TMEM35A: variants seen among roughly 807,000 people sequenced by gnomAD.
TMEM35A encodes transmembrane protein 35A.
For missense variants in TMEM35A, 83 were observed against 132.7 expected (o/e 0.63, Z 1.84); for synonymous variants, 50 against 54.7 (o/e 0.91, Z 0.38).
rs1278630213 is a variant in TMEM35A, at chrX:101,096,089, T to C, written c.*1133T>C. On this transcript the variant is annotated 3_prime_UTR_variant, in exon 2 of 2. Transcript: ENST00000372930. ...TCTCTACATTTCTTTATCATTCCAG[T>C]GGGTAGGGTTTAGCTGGGGGAAGGA... The C allele has an allele frequency of 8.9e-6, 1 of 111,896 alleles. No homozygotes were observed. Among genetic ancestry groups the C allele is most frequent in the East Asian group, 2.8e-4 (1 of 3,584 alleles). 9.2% of individuals were successfully genotyped at this position (111,896 alleles called of 1,213,427 possible).
Position 101,079,015 on chromosome X carries a change from A to G in TMEM35A, c.13A>G (p.Arg5Gly). ...CCTTGGCGACCCCATGGCATCCCCCAGAACCGTAACTATTGTGGCCCTCTC... is the reference window on the plus strand; with the variant it reads ...CCTTGGCGACCCCATGGCATCCCCCGGAACCGTAACTATTGTGGCCCTCTC... MASP[R>G]TVTIVALSVA... Residue 5 changes from arginine (R) to glycine (G), a missense_variant, in exon 1 of 2, where the codon AGA (arginine) becomes GGA (glycine). Arg to Gly is a moderately radical substitution (Grantham distance 125, BLOSUM62 -2). Coordinates refer to ENST00000372930, the MANE Select transcript of TMEM35A (RefSeq NM_021637.3). 1 of 1,211,708 alleles carries G rather than the reference A, an allele frequency of 8.3e-7. No homozygotes were observed. Among genetic ancestry groups the G allele is most frequent in the Middle Eastern group, 2.3e-4 (1 of 4,320 alleles).
At chrX:101,082,576 C>A (rs1040562103) in intron 1 of TMEM35A, among the ~76,000 whole-genome samples, 1 of 109,568 alleles carries the variant, frequency 9.1e-6, no homozygotes, top group Non-Finnish European at 1.9e-5. Flanking sequence ...ATAAGTAATT[C>A]TGTTTTATGG....
intron 1 of TMEM35A, among the ~76,000 whole-genome samples, chrX:101,085,671 G>A (rs369583336): frequency 3.6e-5 from 4 of 110,876 alleles, no homozygotes; most frequent in South Asian, 7.7e-4. Flanking sequence ...GCTCACACCT[G>A]TAATCCCAGC....
intron 1 of TMEM35A, among the ~76,000 whole-genome samples, chrX:101,079,442 A>C (rs2089285421): frequency 9.0e-6 from 1 of 111,167 alleles, no homozygotes; most frequent in Non-Finnish European, 1.9e-5. Context: ...TCCAGCACAC[A>C]CCCAAAGTCC....
At chrX:101,082,522 G>A (rs1181973930) in intron 1 of TMEM35A, among the ~76,000 whole-genome samples, 3 of 109,403 alleles carry the variant, frequency 2.7e-5, no homozygotes, top group Non-Finnish European at 5.7e-5. Flanking sequence ...TACAGTGTTT[G>A]CTATAGTATG....
At chrX:101,085,556 G>A (rs1034485516) in intron 1 of TMEM35A, among the ~76,000 whole-genome samples, 2 of 111,005 alleles carry the variant, frequency 1.8e-5, no homozygotes, top group Admixed American at 9.7e-5. Flanking sequence ...AGCCGAGATC[G>A]TGCAGCTGCA....
chrX:101,092,410 A>T (rs1399756552), intron 1 of TMEM35A, among the ~76,000 whole-genome samples: 2 of 111,232 alleles, frequency 1.8e-5, no homozygotes, highest in Non-Finnish European at 3.8e-5. Context: ...TCTTATACAG[A>T]TCTCTATTTA....
intron 1 of TMEM35A, among the ~76,000 whole-genome samples, chrX:101,089,703 T>G (rs1676169085): frequency 9.6e-6 from 1 of 104,638 alleles, no homozygotes. Flanking sequence ...CGTAGTGAGC[T>G]CTGATCCCAC....
At chrX:101,084,959 T>G (rs1247127341) in intron 1 of TMEM35A, among the ~76,000 whole-genome samples, 1 of 111,703 alleles carries the variant, frequency 9.0e-6, no homozygotes, top group Non-Finnish European at 1.9e-5. Flanking sequence ...CATGGCCCCT[T>G]CCAGTTACTA....
intron 1 of TMEM35A, among the ~76,000 whole-genome samples, chrX:101,084,280 CAA>C (rs2089300452): frequency 9.6e-6 from 1 of 104,027 alleles, no homozygotes; most frequent in Admixed American, 1.1e-4. Flanking sequence ...TACATTTAAA[CAA>C]TGATCTATGA....
At chrX:101,087,798 G>A (rs1299185210) in intron 1 of TMEM35A, among the ~76,000 whole-genome samples, 2 of 111,791 alleles carry the variant, frequency 1.8e-5, no homozygotes, top group Non-Finnish European at 3.8e-5. Flanking sequence ...AAGGTCAGGA[G>A]TTTGAGACGA....
At chrX:101,084,612 C>T (rs2089301713) in intron 1 of TMEM35A, among the ~76,000 whole-genome samples, 1 of 111,819 alleles carries the variant, frequency 8.9e-6, no homozygotes, top group African/African-American at 3.2e-5. Flanking sequence ...CGCCTGTAAT[C>T]CCAGCACTTT....
intron 1 of TMEM35A, chrX:101,081,789 A>T (rs1264062326): frequency 1.8e-5 from 2 of 112,064 alleles, no homozygotes; most frequent in East Asian, 5.5e-4. Context: ...TCTGTGAGGT[A>T]GATTTAGTGT....
intron 1 of TMEM35A, among the ~76,000 whole-genome samples, chrX:101,089,803 C>A (rs779691174): frequency 1.8e-5 from 2 of 108,808 alleles, no homozygotes; most frequent in Non-Finnish European, 3.8e-5. Flanking sequence ...TGGGATTTGA[C>A]GCTAAGTCTG....
chrX:101,086,902 T>G (rs1207073650), intron 1 of TMEM35A, among the ~76,000 whole-genome samples: 3 of 110,330 alleles, frequency 2.7e-5, no homozygotes, highest in African/African-American at 9.9e-5. Context: ...ATTGTTTAAC[T>G]TGAGGTGGCC....
chrX:101,086,952 CTTTTTTTTTTTT>C (rs144682101), intron 1 of TMEM35A, among the ~76,000 whole-genome samples: 2 of 72,672 alleles, frequency 2.8e-5, no homozygotes, highest in South Asian at 1.5e-3. Context: ...TAATAGGATT[CTTTTTTTTTTTT>C]TTTTTTTTTG....
At chrX:101,082,133 C>CTTTCTTTTTTTTTTT (rs2089293836) in intron 1 of TMEM35A, among the ~76,000 whole-genome samples, 1 of 20,480 alleles carries the variant, frequency 4.9e-5, no homozygotes, top group African/African-American at 1.7e-4. Context: ...TTCTTTCTTT[C>CTTTCTTTTTTTTTTT]TTTTTTTTTT....
intron 1 of TMEM35A, among the ~76,000 whole-genome samples, chrX:101,091,180 C>T (rs959747581): frequency 6.3e-5 from 7 of 110,682 alleles, no homozygotes; most frequent in African/African-American, 2.3e-4. Flanking sequence ...CTGTCCCCTT[C>T]CCGTGTCCTC....
chrX:101,094,416 CTTAGT>C, intron 1 of TMEM35A, 152 bp from the exon 2 acceptor site: 1 of 495,445 alleles, frequency 2.0e-6, no homozygotes, highest in Non-Finnish European at 3.1e-6. Flanking sequence ...TGCCTGGCCT[CTTAGT>C]TTAATTACAT....
Sources: gnomAD v4.1 joint callset for allele counts (sites outside exome capture counted in the v4.1 genomes callset) on GRCh38, gnomAD v4.1.1 for gene constraint, MANE v1.5 for transcripts, NCBI Gene and HGNC (gene_info 2026-07-23, HGNC 2026-07-21) for gene names.